Variants in FANCI observed in about 807,000 individuals in gnomAD.
FANCI encodes the protein FA complementation group I.
In FANCI, 156 loss-of-function variants were observed where a neutral mutation model predicts 176.1. That is an observed-to-expected ratio of 0.89 (90% CI 0.78 to 1.01). FANCI has a LOEUF of 1.01. Ranked by LOEUF, FANCI falls within the 50% of genes least tolerant of loss-of-function variation. FANCI has a pLI of 0.00. For synonymous variants in FANCI, 613 were observed against 541.7 expected, an observed-to-expected ratio of 1.13 and a Z score of -1.83; for missense variants, 1,678 against 1,534.1, an observed-to-expected ratio of 1.09 and a Z score of -1.57.
intron 13 of FANCI, among the ~76,000 whole-genome samples, chr15:89,277,611 C>CAAA (rs554395033): frequency 1.6e-4 from 8 of 48,928 alleles, no homozygotes; most frequent in Non-Finnish European, 2.7e-4. Context: ...GATCCTATCT[C>CAAA]AAAAAAAAAA....
chr15:89,312,892 C>A lies in FANCI; in HGVS notation c.3652-12C>A, dbSNP rs766229354. On this transcript the variant is annotated splice_polypyrimidine_tract_variant and intron_variant, in intron 34 of 37. Transcript: ENST00000310775. ...TCATCAGGAATAAGAGAATGTGTTTCTATTTCTTTAGAATAAGAGTAAGAG... is the reference window on the plus strand; with the variant it reads ...TCATCAGGAATAAGAGAATGTGTTTATATTTCTTTAGAATAAGAGTAAGAG... 2 of 1,606,442 alleles carry A rather than the reference C, an allele frequency of 1.2e-6. No homozygotes were observed. Among genetic ancestry groups the A allele is most frequent in the African/African-American group, 2.7e-5 (2 of 74,596 alleles).
intron 1 of FANCI, chr15:89,245,732 G>A: frequency 6.6e-6 from 1 of 152,150 alleles, no homozygotes; most frequent in East Asian, 1.9e-4. Flanking sequence ...AGAACTTGCA[G>A]GACTTATTTT....
chr15:89,303,202 C>T (rs1350813359), intron 27 of FANCI, among the ~76,000 whole-genome samples: 1 of 152,104 alleles, frequency 6.6e-6, no homozygotes, highest in Non-Finnish European at 1.5e-5. Context: ...CTTAATTTAC[C>T]TTTTCCTCAA....
rs2151754448 is a variant in FANCI at position 89,294,920 on chromosome 15, G to A, written c.2462G>A (p.Ser821Asn). 6.4e-7 allele frequency: 1 copy of A among 1,552,086 alleles called. No homozygotes were observed. The change falls in exon 24 of 38, where the codon AGT becomes AAT. Residue 821 changes from serine to asparagine, a missense_variant. Physicochemically the swap from Ser to Asn is conservative, Grantham distance 46. This residue lies in a region of FANCI where 1,204 missense variants were observed against 1,077.4 expected (regional missense o/e 1.12). Coordinates refer to ENST00000310775, the MANE Select transcript of FANCI (RefSeq NM_001113378.2). ...CTCTCTCTGTCTCTCTCTAGGGATA[G>A]TATCCAAAGCCACCAAGAAAGCCTT... ...SSLLTALFRD[S>N]IQSHQESLSV... is the part of the protein sequence containing the mutation.
intron 10 of FANCI, 126 bp downstream of exon 10, chr15:89,268,651 C>CA: frequency 1.1e-6 from 1 of 935,704 alleles, no homozygotes; most frequent in Non-Finnish European, 1.6e-6. Context: ...TGGAGGATCT[C>CA]TTTTTTTTTT....
At chr15:89,267,450 A>G (rs2053017248) in intron 9 of FANCI, among the ~76,000 whole-genome samples, 2 of 151,692 alleles carry the variant, frequency 1.3e-5, no homozygotes, top group South Asian at 4.2e-4. Flanking sequence ...TTAAGATGGG[A>G]CTTTATTGTT....
chr15:89,313,036 G>A (rs1596337244), intron 35 of FANCI, 64 bp downstream of exon 35: 58 of 1,476,224 alleles, frequency 3.9e-5, no homozygotes, highest in East Asian at 1.1e-4. Context: ...TGAAGCGGAA[G>A]AAGCCAGTGA....
chr15:89,308,290 C>A, intron 34 of FANCI: 1 of 545,248 alleles, frequency 1.8e-6, no homozygotes. Context: ...CCAGTAGCAG[C>A]CCCCTAGTTT....
At chr15:89,245,300 C>G (rs982365555) in intron 1 of FANCI, 15 of 138,744 alleles carry the variant, frequency 1.1e-4, no homozygotes, top group African/African-American at 3.7e-4. Flanking sequence ...TCACAAGTAG[C>G]TGGGACTACA....
intron 2 of FANCI, among the ~76,000 whole-genome samples, chr15:89,256,976 G>A (rs910115936): frequency 6.6e-6 from 1 of 152,066 alleles, no homozygotes; most frequent in Non-Finnish European, 1.5e-5. Flanking sequence ...GCGTGAGCTC[G>A]GCTCACTGCA....
At chr15:89,255,897 C>T (rs2052473285) in intron 2 of FANCI, among the ~76,000 whole-genome samples, 2 of 152,172 alleles carry the variant, frequency 1.3e-5, no homozygotes, top group East Asian at 3.8e-4. Context: ...AATTAACATT[C>T]GTTGAGTACT....
At chr15:89,260,121 C>CT (rs781094389) in intron 3 of FANCI, among the ~76,000 whole-genome samples, 13 of 150,988 alleles carry the variant, frequency 8.6e-5, no homozygotes, top group Middle Eastern at 3.4e-3. Flanking sequence ...TTGTTATTAT[C>CT]TTTTTTTTTC....
rs28589453 is a variant in FANCI at position 89,256,159 on chromosome 15, G to C, written c.85-2545G>C. Among the ~76,000 whole-genome samples, 718 of 152,284 alleles carry C rather than the reference G, an allele frequency of 4.7e-3. 6 individuals are homozygous for C. Among genetic ancestry groups the C allele is most frequent in the African/African-American group, 0.016 (649 of 41,558 alleles). ...GCTTCTCAGCCTTGGCAGTGCTCAC[G>C]TTTTGGCTCGGATAAATCTTTGTTG... On this transcript the variant is annotated intron_variant, in intron 2 of 37. Coordinates refer to ENST00000310775, the MANE Select transcript of FANCI (RefSeq NM_001113378.2).
chr15:89,316,637 T>A lies in FANCI; in HGVS notation c.*178T>A. 8.7e-7 allele frequency: 1 copy of A among 1,150,338 alleles called. No homozygotes were observed. Among genetic ancestry groups the A allele is most frequent in the African/African-American group, 1.5e-5 (1 of 65,492 alleles). The allele number at this position is 1,150,338 out of a possible 1,614,324, so 71.3% of individuals were successfully genotyped here. Reference sequence around the variant, plus strand: ...CTTGGCAGGTCCTGCTACTGAAAAATGGCTGGCCTTAGGCAAGCCCTTTTG... The same window carrying A: ...CTTGGCAGGTCCTGCTACTGAAAAAAGGCTGGCCTTAGGCAAGCCCTTTTG... On this transcript the variant is annotated 3_prime_UTR_variant, in exon 38 of 38. Coordinates refer to ENST00000310775, the MANE Select transcript of FANCI (RefSeq NM_001113378.2).
In FANCI at chr15:89,268,538, T is replaced by A; in HGVS notation, c.882+13T>A. The A allele has an allele frequency of 6.2e-7, 1 of 1,614,056 alleles. No homozygotes were observed. Among genetic ancestry groups the A allele is most frequent in the Non-Finnish European group, 8.5e-7 (1 of 1,179,984 alleles). ...GAAACACTTAAAGGTAGCATCAAACTTGTAAGGTGATCTGGGTCTCTTTTG... is the reference window on the plus strand; with the variant it reads ...GAAACACTTAAAGGTAGCATCAAACATGTAAGGTGATCTGGGTCTCTTTTG... On this transcript the variant is annotated intron_variant, in intron 10 of 37. Transcript: ENST00000310775.
intron 14 of FANCI, among the ~76,000 whole-genome samples, chr15:89,280,827 G>A (rs2053585946): frequency 1.3e-5 from 2 of 152,046 alleles, no homozygotes; most frequent in South Asian, 2.1e-4. Context: ...ACCATATTAC[G>A]CTTGTGCATA....
Position 89,307,685 on chromosome 15 carries a change from G to T in FANCI, c.3651+13G>T. On this transcript the variant is annotated intron_variant, in intron 34 of 37. Transcript: ENST00000310775. The stretch of plus-strand genomic sequence containing the variant: ...TTCTTACGTACAGGTAAGAGATTCA[G>T]AGGCAGTACCCAATAGGTCTTCAAG... 2.5e-6 allele frequency: 4 copies of T among 1,614,158 alleles called. No individual in the cohort carries two copies. Among genetic ancestry groups the T allele is most frequent in the Non-Finnish European group, 3.4e-6 (4 of 1,180,034 alleles).
At chr15:89,289,630 A>ATT (rs1002435315) in intron 18 of FANCI, among the ~76,000 whole-genome samples, 5 of 151,596 alleles carry the variant, frequency 3.3e-5, no homozygotes, top group African/African-American at 7.3e-5. Flanking sequence ...AAACAAAAAA[A>ATT]TTTTTTTGAT....
At chr15:89,295,636 A>T (rs1199434542) in intron 24 of FANCI, among the ~76,000 whole-genome samples, 1 of 151,970 alleles carries the variant, frequency 6.6e-6, no homozygotes, top group African/African-American at 2.4e-5. Context: ...ATTGCACTCT[A>T]GCCTGGGCAA....
Sources: gnomAD v4.1 joint callset for allele counts (sites outside exome capture counted in the v4.1 genomes callset) on GRCh38, gnomAD v4.1.1 for gene constraint, gnomAD v4.1.1 regional missense constraint, MANE v1.5 for transcripts, NCBI Gene and HGNC (gene_info 2026-07-23, HGNC 2026-07-21) for gene names.